Variants in GOLPH3L observed in about 807,000 individuals in gnomAD.
The protein encoded by GOLPH3L is golgi phosphoprotein 3 like, also known as Golgi phosphoprotein 3-like.
In GOLPH3L, 22 loss-of-function variants were observed where a neutral mutation model predicts 30.3. The ratio of observed to expected loss-of-function variants is 0.73; its 90% confidence interval spans 0.52 to 1.04. GOLPH3L has a LOEUF of 1.04. Ranked by LOEUF, GOLPH3L falls within the 50% of genes least tolerant of loss-of-function variation. The probability of loss-of-function intolerance (pLI) is 0.00; values close to 1 mark genes in which losing one functional copy is unlikely to be tolerated. For missense variants in GOLPH3L, 303 were observed against 345.8 expected (o/e 0.88, Z 0.98); for synonymous variants, 120 against 128.2 (o/e 0.94, Z 0.43).
intron 3 of GOLPH3L, among the ~76,000 whole-genome samples, chr1:150,663,393 G>A (rs6661415): frequency 0.39 from 58,426 of 151,740 alleles, 11,566 homozygotes; most frequent in South Asian, 0.55. Flanking sequence ...ACAGCATCCT[G>A]AGTATGATTT....
chr1:150,660,794 G>A (rs976610495), intron 4 of GOLPH3L, among the ~76,000 whole-genome samples: 12 of 152,172 alleles, frequency 7.9e-5, no homozygotes, highest in Non-Finnish European at 1.3e-4. Context: ...AGAGAAAGAG[G>A]AAGTTATCAT....
At chr1:150,683,717 AAAAAAAAAAAAAAAAAG>A (rs779925884) in intron 2 of GOLPH3L, among the ~76,000 whole-genome samples, 15 of 144,398 alleles carry the variant, frequency 1.0e-4, no homozygotes, top group South Asian at 6.6e-4. Context: ...AAAAAAAAAA[AAAAAAAAAAAAAAAAAG>A]AGAGATACTC....
At chr1:150,694,928 C>A in intron 1 of GOLPH3L, 78 bp from the exon 2 acceptor site, 2 of 742,270 alleles carry the variant, frequency 2.7e-6, no homozygotes, top group South Asian at 3.8e-5. Flanking sequence ...GCATACTAAA[C>A]ATCCATACAA....
At chr1:150,673,934 A>AG (rs1383032458) in intron 2 of GOLPH3L, among the ~76,000 whole-genome samples, 1 of 151,644 alleles carries the variant, frequency 6.6e-6, no homozygotes, top group East Asian at 1.9e-4. Context: ...TCCAAAAAAA[A>AG]AAAAAAAAGA....
intron 4 of GOLPH3L, among the ~76,000 whole-genome samples, chr1:150,649,365 CTGAAGAA>C (rs1650053827): frequency 6.6e-6 from 1 of 152,162 alleles, no homozygotes; most frequent in Non-Finnish European, 1.5e-5. Flanking sequence ...GAAGGAAGGC[CTGAAGAA>C]TGAAGAGCTC....
At chr1:150,693,793 A>ATGTGTGTGTG (rs1279332986) in intron 2 of GOLPH3L, among the ~76,000 whole-genome samples, 4 of 72,444 alleles carry the variant, frequency 5.5e-5, no homozygotes, top group East Asian at 3.9e-4. Flanking sequence ...TCAATTGTTT[A>ATGTGTGTGTG]TGTATGTGTG....
intron 2 of GOLPH3L, among the ~76,000 whole-genome samples, chr1:150,688,367 T>C (rs1026786815): frequency 6.6e-6 from 1 of 152,162 alleles, no homozygotes; most frequent in Non-Finnish European, 1.5e-5. Flanking sequence ...CAGTTGCACA[T>C]CACTGAAATT....
chr1:150,669,047 T>C (rs1650579879), intron 2 of GOLPH3L, among the ~76,000 whole-genome samples: 1 of 152,176 alleles, frequency 6.6e-6, no homozygotes, highest in East Asian at 1.9e-4. Context: ...ACTTTCCTAT[T>C]GTAGCATCTC....
chr1:150,687,693 T>C (rs924109799), intron 2 of GOLPH3L, among the ~76,000 whole-genome samples: 4 of 152,180 alleles, frequency 2.6e-5, no homozygotes, highest in African/African-American at 4.8e-5. Flanking sequence ...TGGAGGATCA[T>C]CAGCAGCTTG....
At chr1:150,666,117 A>T (rs1441480739) in intron 2 of GOLPH3L, among the ~76,000 whole-genome samples, 1 of 152,060 alleles carries the variant, frequency 6.6e-6, no homozygotes, top group East Asian at 1.9e-4. Flanking sequence ...CTATAACATG[A>T]CTGTGCATGA....
chr1:150,671,209 T>C (rs1314726010), intron 2 of GOLPH3L, among the ~76,000 whole-genome samples: 2 of 150,494 alleles, frequency 1.3e-5, no homozygotes. Flanking sequence ...GCCACTGCAC[T>C]CCAGCCTGGG....
At chr1:150,657,404 C>A (rs11204687) in intron 4 of GOLPH3L, among the ~76,000 whole-genome samples, 58,605 of 152,122 alleles carry the variant, frequency 0.39, 11,611 homozygotes, top group South Asian at 0.55. Flanking sequence ...TCTAGCGATG[C>A]CCAACTTGTC....
intron 2 of GOLPH3L, among the ~76,000 whole-genome samples, chr1:150,668,376 G>GA (rs1650558379): frequency 6.6e-6 from 1 of 151,888 alleles, no homozygotes; most frequent in Non-Finnish European, 1.5e-5. Flanking sequence ...AGTCATATTT[G>GA]TTTTTTTGGT....
chr1:150,694,011 C>G (rs998715905), intron 2 of GOLPH3L: 1 of 270,050 alleles, frequency 3.7e-6, no homozygotes, highest in Non-Finnish European at 7.5e-6. Context: ...AGGCACCCGC[C>G]GCCACACATG....
intron 2 of GOLPH3L, among the ~76,000 whole-genome samples, chr1:150,677,987 A>G (rs1472096437): frequency 1.3e-5 from 2 of 151,908 alleles, no homozygotes; most frequent in African/African-American, 4.8e-5. Context: ...TCAAGTAAAA[A>G]GGAAAAAAAA....
rs771027376 is a variant in GOLPH3L at position 150,663,638 on chromosome 1, G to A, written c.309C>T (p.Asp103=). The A allele has an allele frequency of 6.2e-7, 1 of 1,612,936 alleles. No homozygotes were observed. The highest frequency in any genetic ancestry group is 2.2e-5 in the East Asian group (1 of 44,810). The stretch of plus-strand genomic sequence containing the variant: ...TTCACAGAGGATTCAGTACCTTTCT[G>A]TCTAGTAGTCGCTTCTTACGCATGG... The part of the protein sequence containing the change: ...PPTMRKKRLL[D]RKVLLKSDSP... Residue 103 remains aspartate (D), a synonymous_variant, in exon 3 of 5, where the codon GAC becomes GAT. Transcript: ENST00000271732.
chr1:150,663,038 A>AT (rs1425005957), intron 3 of GOLPH3L, among the ~76,000 whole-genome samples: 1 of 127,436 alleles, frequency 7.8e-6, no homozygotes. Context: ...TCTATTTCGT[A>AT]ATTTTTTTTT....
Position 150,648,168 on chromosome 1 carries a change from G to A in GOLPH3L, c.*153C>T. On this transcript the variant is annotated 3_prime_UTR_variant, in exon 5 of 5. Coordinates refer to ENST00000271732, the MANE Select transcript of GOLPH3L (RefSeq NM_018178.6). Reference sequence around the variant, plus strand: ...TCTGCTTATAATGGTCAAGGTCTATGGAGAAGCCCTGAAGTTGCTCTCCCC... The same window carrying A: ...TCTGCTTATAATGGTCAAGGTCTATAGAGAAGCCCTGAAGTTGCTCTCCCC... 1 of 603,288 alleles carries A rather than the reference G, an allele frequency of 1.7e-6. No homozygotes were observed. The highest frequency in any genetic ancestry group is 2.9e-6 in the Non-Finnish European group (1 of 341,240). The allele number at this position is 603,288 out of a possible 1,614,324, so 37.4% of individuals were successfully genotyped here.
chr1:150,685,650 G>A (rs587699316), intron 2 of GOLPH3L, among the ~76,000 whole-genome samples: 8 of 152,120 alleles, frequency 5.3e-5, no homozygotes, highest in Non-Finnish European at 8.8e-5. Context: ...ACGAGGTGGA[G>A]GTTGCAGTGG....
Sources: gnomAD v4.1 joint callset for allele counts (sites outside exome capture counted in the v4.1 genomes callset) on GRCh38, gnomAD v4.1.1 for gene constraint, MANE v1.5 for transcripts, NCBI Gene and HGNC (gene_info 2026-07-23, HGNC 2026-07-21) for gene names.